The following ANKRD35 variants were observed in gnomAD, a reference collection of about 807,000 sequenced individuals.
ANKRD35 encodes the protein ankyrin repeat domain 35, also known as ankyrin repeat domain-containing protein 35.
In ANKRD35, 102 loss-of-function variants were observed where a neutral mutation model predicts 109.9. The ratio of observed to expected loss-of-function variants is 0.93; its 90% CI spans 0.79 to 1.09. The LOEUF (loss-of-function observed/expected upper bound fraction) is 1.09, where lower values mean the gene tolerates loss of function less well. Among genes scored for constraint, ANKRD35 ranks in the 50% least tolerant of loss-of-function variants. The pLI is 0.00. For missense variants in ANKRD35, 1,240 were observed against 1,230.1 expected (o/e 1.01, Z -0.12); for synonymous variants, 515 against 512.4 (o/e 1.01, Z -0.07).
At chr1:145,883,950 C>T (rs114653019) in intron 1 of ANKRD35, among the ~76,000 whole-genome samples, 1,830 of 152,272 alleles carry the variant, frequency 0.012, 33 homozygotes, top group African/African-American at 0.042. Context: ...TCTTGTTATA[C>T]TAAAAGTTTA....
intron 1 of ANKRD35, among the ~76,000 whole-genome samples, chr1:145,880,259 A>C (rs892150821): frequency 4.6e-5 from 7 of 152,170 alleles, no homozygotes; most frequent in Non-Finnish European, 8.8e-5. Flanking sequence ...GCTATGTAAA[A>C]ACACCCAGGG....
intron 9 of ANKRD35, 31 bp from the exon 10 acceptor site, chr1:145,874,016 C>T (rs1553739592): frequency 1.2e-6 from 2 of 1,612,256 alleles, no homozygotes; most frequent in South Asian, 2.2e-5. Context: ...TAAAGTGTGG[C>T]CACTAGGCAA....
In ANKRD35 at chr1:145,875,025, C is replaced by A. The variant is rs782103874; in HGVS notation, c.561-19G>T. 6.3e-7 allele frequency: 1 copy of A among 1,575,960 alleles called. No homozygotes were observed. The highest frequency in any genetic ancestry group is 1.4e-5 in the African/African-American group (1 of 74,068). On this transcript the variant is annotated intron_variant, in intron 7 of 13. Coordinates refer to ENST00000355594, the MANE Select transcript of ANKRD35 (RefSeq NM_144698.5). ...AGCCGATCTGTGGGTTGAGACAAAT[C>A]TGAGCACAGACTTTCCACATGGAAC...
chr1:145,874,199 G>A lies in ANKRD35; in HGVS notation c.746-7C>T. 1 of 1,613,824 alleles carries A rather than the reference G, an allele frequency of 6.2e-7. No individual in the cohort carries two copies. The highest frequency in any genetic ancestry group is 8.5e-7 in the Non-Finnish European group (1 of 1,179,762). ...TGCTGGACTAGCCTCTGACCTATAA[G>A]AAAAGATATGAGGAAAATGAGAGAG... is the stretch of plus-strand genomic sequence containing the variant. On this transcript the variant is annotated splice_region_variant and splice_polypyrimidine_tract_variant and intron_variant, in intron 8 of 13. Transcript: ENST00000355594.
At chr1:145,880,418 GC>G (rs1553740911) in intron 1 of ANKRD35, among the ~76,000 whole-genome samples, 1 of 152,146 alleles carries the variant, frequency 6.6e-6, no homozygotes, top group Admixed American at 6.5e-5. Context: ...TACATTCTCG[GC>G]TATGTGACCT....
At position 145,868,346 on chromosome 1, in the gene ANKRD35, G is replaced by T. The variant is rs148940814; in HGVS notation, c.2842C>A (p.Arg948=). Residue 948 remains arginine (R), a synonymous_variant, in exon 11 of 14, where the codon CGG becomes AGG. Transcript: ENST00000355594. The stretch of plus-strand genomic sequence containing the variant: ...AGGGCAAGGCGAGCATTTTCTCCCC[G>T]AATTGCTAGAACCTCTTCTGAAAGC... ...EQLSEEVLAI[R]GENARLALQL... 1.2e-6 allele frequency: 2 copies of T among 1,614,120 alleles called. No individual in the cohort carries two copies. Among genetic ancestry groups the T allele is most frequent in the Non-Finnish European group, 1.7e-6 (2 of 1,180,032 alleles).
At position 145,872,452 on chromosome 1, in the gene ANKRD35, C is replaced by A. The variant is rs1653867593; in HGVS notation, c.2317G>T (p.Ala773Ser). 6.2e-7 allele frequency: 1 copy of A among 1,607,742 alleles called. No individual in the cohort carries two copies. Among genetic ancestry groups the A allele is most frequent in the South Asian group, 1.1e-5 (1 of 90,038 alleles). The change falls in exon 10 of 14, where the codon GCC becomes TCC. Residue 773 changes from alanine to serine, a missense_variant. Physicochemically the swap from Ala to Ser is moderately conservative, Grantham distance 99. Coordinates refer to ENST00000355594, the MANE Select transcript of ANKRD35 (RefSeq NM_144698.5). Reference protein sequence around the residue: ...PCREPGTSLKAPASPQVAALE... With the variant: ...PCREPGTSLKSPASPQVAALE... ...GCGGCCACTTGGGGGGATGCTGGGG[C>A]CTTTAAGGAGGTGCCTGGCTCCCTA...
At chr1:145,868,145 G>T in intron 11 of ANKRD35, 89 bp from the exon 12 acceptor site, 6 of 1,508,074 alleles carry the variant, frequency 4.0e-6, no homozygotes, top group Non-Finnish European at 5.5e-6. Context: ...AGCAGTACCA[G>T]GTGGGCTCGT....
chr1:145,872,323 G>A lies in ANKRD35; in HGVS notation c.2446C>T (p.Gln816Ter), dbSNP rs782162230. ...EIGKLKQLLY[Q>*]ATEEVAELRA... is the part of the protein sequence containing the mutation. ...AGCTCAGCCACTTCCTCTGTGGCTT[G>A]GTAGAGCAGCTGCTTCAGCTTTCCG... Residue 816 changes from glutamine (Q) to a stop codon, truncating the protein, a stop_gained, in exon 10 of 14, where the codon CAA (glutamine) becomes TAA (stop). Coordinates refer to ENST00000355594, the MANE Select transcript of ANKRD35 (RefSeq NM_144698.5). LOFTEE classifies it high-confidence loss of function. 2 of 1,612,340 alleles carry A rather than the reference G, an allele frequency of 1.2e-6. No individual in the cohort carries two copies. The highest frequency in any genetic ancestry group is 2.7e-5 in the African/African-American group (2 of 74,922).
intron 1 of ANKRD35, 130 bp from the exon 2 acceptor site, chr1:145,879,518 C>G (rs1553740765): frequency 9.0e-7 from 1 of 1,107,868 alleles, no homozygotes; most frequent in Non-Finnish European, 1.2e-6. Flanking sequence ...AGTCACACAT[C>G]CTAGATCATT....
At chr1:145,874,777 TTC>T in intron 8 of ANKRD35, 43 bp downstream of exon 8, 1 of 1,504,206 alleles carries the variant, frequency 6.6e-7, no homozygotes, top group Non-Finnish European at 8.9e-7. Context: ...TCTAAGAAAC[TTC>T]TCTGATTCTT....
chr1:145,885,593 C>G, intron 1 of ANKRD35, 127 bp downstream of exon 1: 3 of 1,183,024 alleles, frequency 2.5e-6, no homozygotes, highest in Non-Finnish European at 3.7e-6. Context: ...GGCTTCCTTG[C>G]AAGACTAGAA....
In ANKRD35 at chr1:145,872,463, G is replaced by A. The variant is rs1167619808; in HGVS notation, c.2306C>T (p.Thr769Ile). Residue 769 changes from threonine (T) to isoleucine (I), a missense_variant, in exon 10 of 14, where the codon ACC (threonine) becomes ATC (isoleucine). By Grantham distance (89) the Thr-to-Ile change is moderately conservative. Coordinates refer to ENST00000355594, the MANE Select transcript of ANKRD35 (RefSeq NM_144698.5). ...GSLSPCREPG[T>I]SLKAPASPQV... ...GGGGGATGCTGGGGCCTTTAAGGAGGTGCCTGGCTCCCTACACGGGGACAA... is the reference window on the plus strand; with the variant it reads ...GGGGGATGCTGGGGCCTTTAAGGAGATGCCTGGCTCCCTACACGGGGACAA... 4 of 1,603,864 alleles carry A rather than the reference G, an allele frequency of 2.5e-6. No homozygotes were observed. The African/African-American group carries it at 4.0e-5, about 16-fold the overall frequency.
intron 2 of ANKRD35, 133 bp downstream of exon 2, chr1:145,879,125 T>G: frequency 7.5e-6 from 9 of 1,205,438 alleles, no homozygotes; most frequent in Non-Finnish European, 9.8e-6. Context: ...AAAAAACTAT[T>G]GATATACTTG....
At chr1:145,871,137 C>CTTTCT (rs1553738528) in intron 10 of ANKRD35, among the ~76,000 whole-genome samples, 1 of 105,982 alleles carries the variant, frequency 9.4e-6, no homozygotes, top group African/African-American at 3.3e-5. Flanking sequence ...TTCTTTCTTT[C>CTTTCT]TTTCTTTTCT....
At chr1:145,879,938 T>A (rs782040897) in intron 1 of ANKRD35, among the ~76,000 whole-genome samples, 1 of 152,224 alleles carries the variant, frequency 6.6e-6, no homozygotes, top group Admixed American at 6.5e-5. Context: ...CCTCTTTTCA[T>A]TGGCTTTGGG....
At chr1:145,876,386 T>C in intron 6 of ANKRD35, 140 bp from the exon 7 acceptor site, 1 of 1,112,928 alleles carries the variant, frequency 9.0e-7, no homozygotes, top group Non-Finnish European at 1.3e-6. Context: ...TTTTGGAGGG[T>C]TAGAAGCTCT....
chr1:145,876,393 C>G, intron 6 of ANKRD35, 147 bp from the exon 7 acceptor site: 1 of 1,119,980 alleles, frequency 8.9e-7, no homozygotes, highest in Non-Finnish European at 1.3e-6. Flanking sequence ...GGGTTAGAAG[C>G]TCTCCAGAAG....
chr1:145,868,473 CTT>C lies in ANKRD35; in HGVS notation c.2788-75_2788-74del, dbSNP rs587774520. The C allele has an allele frequency of 4.9e-4, 643 of 1,316,190 alleles. 2 individuals carry two copies. In the African/African-American group the frequency reaches 7.9e-3, roughly 16 times the overall value. 81.5% of individuals were successfully genotyped at this position (1,316,190 alleles called of 1,614,324 possible). A position where few individuals can be genotyped will look rare whatever the true frequency, so the allele number is the denominator to read the frequency against. ...TCCCACAAGGGTCAAGGTCAGCTTC[CTT>C]TTACTGAGTATTTAATATGTGCCAA... On this transcript the variant is annotated intron_variant, in intron 10 of 13. Coordinates refer to ENST00000355594, the MANE Select transcript of ANKRD35 (RefSeq NM_144698.5).
Sources: allele counts gnomAD v4.1 joint callset (sites outside exome capture counted in the v4.1 genomes callset), GRCh38; gene constraint gnomAD v4.1.1; transcripts MANE v1.5; gene names NCBI Gene and HGNC (gene_info 2026-07-23, HGNC 2026-07-21).